The following TERF1 variants were observed in gnomAD, a reference collection of about 807,000 sequenced individuals.
TERF1 encodes the protein telomeric repeat-binding factor 1.
A neutral mutation model predicts 55.1 loss-of-function variants in TERF1; 20 were observed. The observed-to-expected ratio is 0.36, with a 90% CI of 0.26 to 0.53. The LOEUF (loss-of-function observed/expected upper bound fraction) is 0.53, where lower values mean the gene tolerates loss of function less well. TERF1 is among the 20% of genes least tolerant of loss of function. The pLI is 0.91. For missense variants in TERF1, 439 were observed against 535.7 expected (o/e 0.82, Z 1.78); for synonymous variants, 168 against 181.2 (o/e 0.93, Z 0.59).
intron 1 of TERF1, chr8:73,013,583 A>G: frequency 4.5e-6 from 1 of 220,018 alleles, no homozygotes; most frequent in Non-Finnish European, 8.9e-6. Context: ...AAATGTTTCT[A>G]GGTATAAGTT....
chr8:73,037,612 A>G (rs1160806390), intron 8 of TERF1, among the ~76,000 whole-genome samples: 16 of 102,692 alleles, frequency 1.6e-4, no homozygotes, highest in Admixed American at 8.6e-4. Context: ...TAAATTTATT[A>G]TATATATTAT....
chr8:73,009,290 G>A lies in TERF1; in HGVS notation c.319+85G>A, dbSNP rs556421563. 3.5e-5 allele frequency: 43 copies of A among 1,223,408 alleles called. No individual in the cohort carries two copies. In the Admixed American group the frequency reaches 5.7e-4, roughly 16 times the overall value. 75.8% of individuals were successfully genotyped at this position (1,223,408 alleles called of 1,614,324 possible). A position where few individuals can be genotyped will look rare whatever the true frequency, so the allele number is the denominator to read the frequency against. ...GCGCGGCAGAGGGCTGGTTCCCTAC[G>A]TCGCCGAGGGAGGGGCTGCTGCGGC... On this transcript the variant is annotated intron_variant, in intron 1 of 9. Coordinates refer to ENST00000276603, the MANE Select transcript of TERF1 (RefSeq NM_017489.3).
intron 8 of TERF1, among the ~76,000 whole-genome samples, chr8:73,037,758 T>TATAG (rs1266193906): frequency 2.7e-5 from 2 of 75,124 alleles, no homozygotes; most frequent in African/African-American, 1.2e-4. Flanking sequence ...ATATATAATA[T>TATAG]TATATAGTAT....
chr8:73,037,683 T>C (rs1273109590), intron 8 of TERF1, among the ~76,000 whole-genome samples: 2 of 52,538 alleles, frequency 3.8e-5, no homozygotes, highest in Admixed American at 5.3e-4. Context: ...TTATATATAA[T>C]ATATATTATA....
intron 4 of TERF1, among the ~76,000 whole-genome samples, chr8:73,022,707 G>T (rs2129780344): frequency 6.6e-6 from 1 of 152,278 alleles, no homozygotes. Flanking sequence ...AGTACTTTAG[G>T]AGGCTGAAGC....
intron 8 of TERF1, among the ~76,000 whole-genome samples, chr8:73,037,786 TA>T (rs1809638977): frequency 6.1e-5 from 3 of 48,876 alleles, no homozygotes; most frequent in Non-Finnish European, 1.3e-4. Flanking sequence ...ATATTATATA[TA>T]ATATATAGTA....
chr8:73,045,791 A>T (rs1810004657), intron 9 of TERF1, among the ~76,000 whole-genome samples, 170 bp from the exon 10 acceptor site: 1 of 152,204 alleles, frequency 6.6e-6, no homozygotes, highest in African/African-American at 2.4e-5. Context: ...GACCCCTAAA[A>T]ATGTTACGAT....
At position 73,045,217 on chromosome 8, in the gene TERF1, T is replaced by A. The variant is rs796228470; in HGVS notation, c.1144-744T>A. Among the ~76,000 whole-genome samples the A allele has an allele frequency of 2.0e-5, 3 of 152,304 alleles. No homozygotes were observed. The South Asian group carries it at 6.2e-4, about 32-fold the overall frequency. ...TTGTGTTTTTTTGATAGCAGCCATC[T>A]GAATGAGTGTGGGTTGATGAACCGG... On this transcript the variant is annotated intron_variant, in intron 9 of 9. Transcript: ENST00000276603.
Position 73,013,806 on chromosome 8 carries a change from A to G in TERF1, c.320-89A>G. On this transcript the variant is annotated intron_variant, in intron 1 of 9. Transcript: ENST00000276603. The stretch of plus-strand genomic sequence containing the variant: ...CTAAATTTATGATAATTTTTACAAT[A>G]TGTTTGTAGCCTATTACTCAACAAA... The G allele has an allele frequency of 4.3e-6, 3 of 697,576 alleles. 1 individual carries two copies. The highest frequency in any genetic ancestry group is 5.1e-4 in the Middle Eastern group (2 of 3,952). 43.2% of individuals were successfully genotyped at this position (697,576 alleles called of 1,614,324 possible).
chr8:73,023,135 T>C (rs993181471), intron 4 of TERF1, among the ~76,000 whole-genome samples: 1 of 152,178 alleles, frequency 6.6e-6, no homozygotes, highest in Non-Finnish European at 1.5e-5. Flanking sequence ...GTGGAACAAA[T>C]ATATGCATTT....
At chr8:73,021,758 T>G (rs1468031216) in intron 3 of TERF1, among the ~76,000 whole-genome samples, 2 of 152,136 alleles carry the variant, frequency 1.3e-5, no homozygotes, top group East Asian at 3.9e-4. Flanking sequence ...ATGAAAAAAA[T>G]GATCATTAAA....
intron 2 of TERF1, 100 bp downstream of exon 2, chr8:73,014,090 A>G (rs34859101): frequency 9.2e-5 from 85 of 924,114 alleles, no homozygotes; most frequent in Non-Finnish European, 1.2e-4. Context: ...TTTGCCTACA[A>G]GTGTCTGGTG....
rs755653230 is a variant in TERF1, at chr8:73,032,120, A to T, written c.1026A>T (p.Val342=). 1 of 1,610,434 alleles carries T rather than the reference A, an allele frequency of 6.2e-7. No individual in the cohort carries two copies. The highest frequency in any genetic ancestry group is 1.3e-5 in the African/African-American group (1 of 74,842). The change falls in exon 8 of 10, where the codon GTA becomes GTT. Residue 342 remains valine (V), a synonymous_variant. Coordinates refer to ENST00000276603, the MANE Select transcript of TERF1 (RefSeq NM_017489.3). ...ACCTTAATAAGAAAGAAAGAAGAGT[A>T]GGAACTCCTCAAAGTGAGTACTGTT... The part of the protein sequence containing the change: ...QQDLNKKERR[V]GTPQSTKKKK...
chr8:73,035,450 G>A (rs1260101395), intron 8 of TERF1, among the ~76,000 whole-genome samples: 6 of 150,914 alleles, frequency 4.0e-5, no homozygotes, highest in African/African-American at 1.5e-4. Context: ...TTGTTTTATG[G>A]CCCACAGTAT....
intron 1 of TERF1, chr8:73,012,085 T>C (rs1037038995): frequency 6.6e-6 from 1 of 152,206 alleles, no homozygotes; most frequent in African/African-American, 2.4e-5. Flanking sequence ...CTGAAACACT[T>C]GGAGGGCATG....
chr8:73,027,157 A>G (rs1443780048), intron 6 of TERF1, 105 bp downstream of exon 6: 1 of 790,118 alleles, frequency 1.3e-6, no homozygotes, highest in Non-Finnish European at 2.0e-6. Flanking sequence ...GTAGCATGTT[A>G]TCTTGCTGAT....
intron 5 of TERF1, among the ~76,000 whole-genome samples, chr8:73,025,215 TAGAA>T (rs1271537290): frequency 6.6e-6 from 1 of 152,214 alleles, no homozygotes; most frequent in African/African-American, 2.4e-5. Context: ...AGGGAAAACT[TAGAA>T]TGAATTAAAA....
At chr8:73,032,696 GTAGT>G (rs1809340083) in intron 8 of TERF1, among the ~76,000 whole-genome samples, 1 of 152,100 alleles carries the variant, frequency 6.6e-6, no homozygotes, top group African/African-American at 2.4e-5. Flanking sequence ...ATCCGTGACT[GTAGT>G]TACTTTTCAG....
chr8:73,010,986 T>A (rs551674981), intron 1 of TERF1: 5 of 152,216 alleles, frequency 3.3e-5, no homozygotes, highest in Non-Finnish European at 7.3e-5. Flanking sequence ...GGGCTTAAAA[T>A]ATTCAGTAAA....
Sources: allele counts gnomAD v4.1 joint callset (sites outside exome capture counted in the v4.1 genomes callset), GRCh38; gene constraint gnomAD v4.1.1; transcripts MANE v1.5; gene names NCBI Gene and HGNC (gene_info 2026-07-23, HGNC 2026-07-21).